Variants in ZBTB20 observed in about 807,000 individuals in gnomAD.
The protein encoded by ZBTB20 is zinc finger and BTB domain containing 20, also known as zinc finger and BTB domain-containing protein 20.
A neutral mutation model predicts 56.9 loss-of-function variants in ZBTB20; 9 were observed. That is an observed-to-expected ratio of 0.16 (90% CI 0.10 to 0.28). The LOEUF (loss-of-function observed/expected upper bound fraction) is 0.28, where lower values mean the gene tolerates loss of function less well. ZBTB20 is among the 10% of genes least tolerant of loss of function. The pLI, the probability that ZBTB20 is intolerant of heterozygous loss-of-function variation, is 1.00. For synonymous variants in ZBTB20, 417 were observed against 420.7 expected (o/e 0.99, Z 0.11); for missense variants, 655 against 1,003.0 (o/e 0.65, Z 4.69).
At chr3:114,367,170 T>C (rs1300055034) in intron 10 of ZBTB20, 5 of 152,264 alleles carry the variant, frequency 3.3e-5, no homozygotes, top group Non-Finnish European at 1.5e-5. Context: ...AATGGACAGA[T>C]TGTAGATGGG....
intron 6 of ZBTB20, among the ~76,000 whole-genome samples, chr3:114,591,550 A>C (rs1162733737): frequency 6.6e-6 from 1 of 152,196 alleles, no homozygotes; most frequent in Non-Finnish European, 1.5e-5. Context: ...AATCCCACAC[A>C]AAAGAAGAAA....
intron 2 of ZBTB20, among the ~76,000 whole-genome samples, chr3:114,982,484 A>G (rs1430555819): frequency 1.3e-5 from 2 of 152,082 alleles, no homozygotes; most frequent in Non-Finnish European, 1.5e-5. Flanking sequence ...TTACACATTG[A>G]GTAATTCCAT....
intron 5 of ZBTB20, among the ~76,000 whole-genome samples, chr3:114,747,137 A>G (rs1387926739): frequency 6.6e-6 from 1 of 152,216 alleles, no homozygotes; most frequent in Non-Finnish European, 1.5e-5. Flanking sequence ...GAGAATGGCA[A>G]ACTATAATTT....
intron 1 of ZBTB20, among the ~76,000 whole-genome samples, chr3:115,136,018 T>C (rs1388268460): frequency 2.0e-5 from 3 of 152,138 alleles, no homozygotes; most frequent in Non-Finnish European, 2.9e-5. Context: ...ATATGAAATA[T>C]GGGTTTCATC....
At position 115,007,298 on chromosome 3, in the gene ZBTB20, A is replaced by T. The variant is rs74285315; in HGVS notation, c.-506-32882T>A. ...ATATATTTTATCACTTAATTTGCCAATTATGTCTACTCCTTTTGAATAAGG... is the reference window on the plus strand; with the variant it reads ...ATATATTTTATCACTTAATTTGCCATTTATGTCTACTCCTTTTGAATAAGG... On this transcript the variant is annotated intron_variant, in intron 2 of 11. Transcript: ENST00000675478. 5.9e-5 allele frequency among the ~76,000 whole-genome samples: 9 copies of T among 151,780 alleles called. No individual in the cohort carries two copies. The East Asian group carries it at 1.8e-3, about 30-fold the overall frequency.
chr3:114,915,166 T>C (rs1437330537), intron 3 of ZBTB20, among the ~76,000 whole-genome samples: 2 of 151,954 alleles, frequency 1.3e-5, no homozygotes, highest in East Asian at 3.9e-4. Context: ...TCTTTAAATG[T>C]TTGGTAAAAT....
At chr3:114,486,750 G>A (rs1041235302) in intron 7 of ZBTB20, among the ~76,000 whole-genome samples, 1 of 152,134 alleles carries the variant, frequency 6.6e-6, no homozygotes, top group Admixed American at 6.5e-5. Context: ...AATTAGAGGT[G>A]AGAATTATTC....
At chr3:114,677,938 T>C (rs1284491035) in intron 6 of ZBTB20, among the ~76,000 whole-genome samples, 1 of 152,222 alleles carries the variant, frequency 6.6e-6, no homozygotes, top group East Asian at 1.9e-4. Context: ...AAGAAGGTTA[T>C]ATGTTAAGGC....
At chr3:114,652,166 T>C (rs2060170374) in intron 6 of ZBTB20, among the ~76,000 whole-genome samples, 1 of 152,068 alleles carries the variant, frequency 6.6e-6, no homozygotes, top group African/African-American at 2.4e-5. Context: ...AACAGAGACA[T>C]AGAAAGTTCC....
At chr3:114,685,421 CAACA>C (rs1338452466) in intron 6 of ZBTB20, among the ~76,000 whole-genome samples, 1 of 152,182 alleles carries the variant, frequency 6.6e-6, no homozygotes, top group Non-Finnish European at 1.5e-5. Context: ...GAACTCAGGA[CAACA>C]ATCAGTGAGC....
intron 5 of ZBTB20, among the ~76,000 whole-genome samples, chr3:114,712,292 A>T (rs1329059771): frequency 6.6e-6 from 1 of 152,166 alleles, no homozygotes; most frequent in Non-Finnish European, 1.5e-5. Context: ...ATGCATGAAA[A>T]TCTACACTTC....
intron 6 of ZBTB20, among the ~76,000 whole-genome samples, chr3:114,554,445 C>T (rs564374154): frequency 2.6e-5 from 4 of 152,232 alleles, no homozygotes; most frequent in Non-Finnish European, 4.4e-5. Flanking sequence ...ATCCTCATTT[C>T]AGAATTGGTC....
chr3:114,862,474 A>C (rs1456553212), intron 4 of ZBTB20, among the ~76,000 whole-genome samples: 1 of 152,038 alleles, frequency 6.6e-6, no homozygotes, highest in Non-Finnish European at 1.5e-5. Context: ...CTGATAGCTC[A>C]GTTCAAAACT....
At chr3:114,778,739 C>T (rs2069829596) in intron 5 of ZBTB20, among the ~76,000 whole-genome samples, 1 of 152,148 alleles carries the variant, frequency 6.6e-6, no homozygotes, top group South Asian at 2.1e-4. Context: ...GAGATAGAAT[C>T]CTTCTTTTGG....
intron 6 of ZBTB20, among the ~76,000 whole-genome samples, chr3:114,559,614 A>T (rs1031846250): frequency 1.3e-5 from 2 of 152,184 alleles, no homozygotes; most frequent in African/African-American, 4.8e-5. Context: ...GAGGCTGGGA[A>T]TCTCTTTAAG....
At chr3:114,792,699 A>C (rs2071049279) in intron 5 of ZBTB20, among the ~76,000 whole-genome samples, 1 of 152,052 alleles carries the variant, frequency 6.6e-6, no homozygotes, top group Middle Eastern at 3.2e-3. Context: ...ATGGAAGGTA[A>C]TTCAGGGTTA....
chr3:114,593,416 C>T (rs1379397429), intron 6 of ZBTB20, among the ~76,000 whole-genome samples: 1 of 144,386 alleles, frequency 6.9e-6, no homozygotes, highest in African/African-American at 2.6e-5. Flanking sequence ...CGGAGTGTCG[C>T]TCTTGTGGCC....
chr3:114,351,731 C>A lies in ZBTB20; in HGVS notation c.347G>T (p.Arg116Leu). ...VTVRIHGSML[R>L]AHRCVLAAGS... The stretch of plus-strand genomic sequence containing the variant: ...GGCTGCCAGCACGCAGCGGTGTGCG[C>A]GCAGCATGCTCCCGTGGATGCGCAC... Residue 116 changes from arginine (R) to leucine (L), a missense_variant, in exon 11 of 12, where the codon CGC (arginine) becomes CTC (leucine). Physicochemically the swap from Arg to Leu is moderately radical, Grantham distance 102. Around this residue, in one of 10 missense-constraint regions of ZBTB20, gnomAD observed 57 missense variants for 99.1 expected, o/e 0.58. Transcript: ENST00000675478. 6.2e-7 allele frequency: 1 copy of A among 1,614,060 alleles called. No individual in the cohort carries two copies. Among genetic ancestry groups the A allele is most frequent in the Non-Finnish European group, 8.5e-7 (1 of 1,180,024 alleles).
intron 8 of ZBTB20, among the ~76,000 whole-genome samples, chr3:114,386,151 A>C (rs2085095712): frequency 6.6e-6 from 1 of 152,156 alleles, no homozygotes. Flanking sequence ...ATTCATTGAG[A>C]CCAACCTATG....
Sources: gnomAD v4.1 joint callset for allele counts (sites outside exome capture counted in the v4.1 genomes callset) on GRCh38, gnomAD v4.1.1 for gene constraint, gnomAD v4.1.1 regional missense constraint, MANE v1.5 for transcripts, NCBI Gene and HGNC (gene_info 2026-07-23, HGNC 2026-07-21) for gene names.